The following PTPRD variants were observed in gnomAD, a reference collection of about 807,000 sequenced individuals.
PTPRD encodes the protein receptor-type tyrosine-protein phosphatase delta.
In PTPRD, 34 loss-of-function variants were observed where a neutral mutation model predicts 214.5. That is an observed-to-expected ratio of 0.16 (90% confidence interval 0.12 to 0.21). The LOEUF (loss-of-function observed/expected upper bound fraction) is 0.21, where lower values mean the gene tolerates loss of function less well. Among genes scored for constraint, PTPRD ranks in the 10% least tolerant of loss-of-function variants. The pLI, the probability that PTPRD is intolerant of heterozygous loss-of-function variation, is 1.00. For synonymous variants in PTPRD, 1,128 were observed against 845.7 expected (o/e 1.33, Z -5.79); for missense variants, 2,545 against 2,398.7 (o/e 1.06, Z -1.27).
At chr9:10,527,278 C>T (rs1392958736) in intron 2 of PTPRD, among the ~76,000 whole-genome samples, 1 of 152,118 alleles carries the variant, frequency 6.6e-6, no homozygotes, top group East Asian at 1.9e-4. Flanking sequence ...ATTCATGACT[C>T]AGTTTACCAC....
intron 14 of PTPRD, among the ~76,000 whole-genome samples, chr9:8,564,225 T>A (rs916415189): frequency 1.1e-4 from 16 of 152,178 alleles, no homozygotes; most frequent in South Asian, 4.1e-4. Flanking sequence ...TAAGCATGTT[T>A]AAAATTGGGT....
intron 4 of PTPRD, among the ~76,000 whole-genome samples, chr9:10,022,713 G>C (rs1023574769): frequency 6.6e-6 from 1 of 152,132 alleles, no homozygotes; most frequent in East Asian, 1.9e-4. Flanking sequence ...TAGCAGTTAA[G>C]ATTTACATTG....
At chr9:9,438,374 C>G (rs146901982) in intron 8 of PTPRD, among the ~76,000 whole-genome samples, 140 of 152,180 alleles carry the variant, frequency 9.2e-4, no homozygotes, top group African/African-American at 3.3e-3. Context: ...TTCTGTGGAA[C>G]TGAGAAATAA....
intron 11 of PTPRD, among the ~76,000 whole-genome samples, chr9:9,009,845 C>T (rs1179545461): frequency 6.6e-6 from 1 of 151,886 alleles, no homozygotes; most frequent in Non-Finnish European, 1.5e-5. Flanking sequence ...ATAATTTATA[C>T]TAATCTTCAT....
chr9:9,882,400 G>T (rs1224716113), intron 5 of PTPRD, among the ~76,000 whole-genome samples: 1 of 152,072 alleles, frequency 6.6e-6, no homozygotes, highest in Non-Finnish European at 1.5e-5. Flanking sequence ...TCAATATCAT[G>T]ATCCAAATGG....
In PTPRD at chr9:8,486,212, T is replaced by G; in HGVS notation, c.2605A>C (p.Thr869Pro). The G allele has an allele frequency of 5.6e-6, 9 of 1,614,210 alleles. No individual in the cohort carries two copies. Among genetic ancestry groups the G allele is most frequent in the Non-Finnish European group, 7.6e-6 (9 of 1,180,030 alleles). ...TCTTTTTCAGAGAACTCAAGAGTAGTAAGTGGCTCCATATCCTTGCGGCCA... is the reference window on the plus strand; with the variant it reads ...TCTTTTTCAGAGAACTCAAGAGTAGGAAGTGGCTCCATATCCTTGCGGCCA... ...KFGRKDMEPL[T>P]TLEFSEKEDH... The change falls in exon 28 of 46, where the codon ACT becomes CCT. Residue 869 changes from threonine to proline, a missense_variant. Physicochemically the swap from Thr to Pro is conservative, Grantham distance 38. Coordinates refer to ENST00000381196, the MANE Select transcript of PTPRD (RefSeq NM_002839.4).
intron 14 of PTPRD, among the ~76,000 whole-genome samples, chr9:8,533,006 G>A (rs2076097108): frequency 6.6e-6 from 1 of 152,038 alleles, no homozygotes; most frequent in Admixed American, 6.6e-5. Context: ...ATGAATCCAT[G>A]AGGAAAATAG....
chr9:9,447,330 A>T (rs777362746), intron 8 of PTPRD, among the ~76,000 whole-genome samples: 2 of 152,140 alleles, frequency 1.3e-5, no homozygotes, highest in Non-Finnish European at 2.9e-5. Context: ...GGAATATTAG[A>T]CAGCCATAAA....
intron 43 of PTPRD, among the ~76,000 whole-genome samples, chr9:8,336,901 C>A (rs1450921857): frequency 3.9e-5 from 6 of 152,182 alleles, no homozygotes; most frequent in African/African-American, 7.2e-5. Flanking sequence ...CAATGAGATA[C>A]CATCTTACAC....
At chr9:10,607,503 A>G (rs531414451) in intron 2 of PTPRD, among the ~76,000 whole-genome samples, 3 of 152,016 alleles carry the variant, frequency 2.0e-5, no homozygotes, top group East Asian at 3.9e-4. Flanking sequence ...ATAAAATGCA[A>G]TTGAAGTCTC....
intron 3 of PTPRD, among the ~76,000 whole-genome samples, chr9:10,071,590 T>C (rs1264654502): frequency 6.6e-6 from 1 of 152,024 alleles, no homozygotes; most frequent in East Asian, 1.9e-4. Flanking sequence ...AAACTAGACA[T>C]AGAGCTAATA....
chr9:8,897,425 T>G (rs2098628467), intron 11 of PTPRD, among the ~76,000 whole-genome samples: 1 of 152,184 alleles, frequency 6.6e-6, no homozygotes, highest in African/African-American at 2.4e-5. Flanking sequence ...TTCTGAGGGT[T>G]GATACACTAA....
chr9:10,031,647 T>TATATATATATATATATATATATACAC, intron 4 of PTPRD, among the ~76,000 whole-genome samples: 12 of 89,646 alleles, frequency 1.3e-4, no homozygotes, highest in African/African-American at 8.9e-4. Flanking sequence ...TATATATATA[T>TATATATATATATATATATATATACAC]ACACACACAC....
rs536477796 is a variant in PTPRD, at chr9:10,062,039, G to C, written c.-544-28249C>G. ...AGAATTCGAGAACCATTGATTGATT[G>C]ATACTGTTAAAAGATTGAATAAAAA... On this transcript the variant is annotated intron_variant, in intron 3 of 45. Coordinates refer to ENST00000381196, the MANE Select transcript of PTPRD (RefSeq NM_002839.4). 5.4e-5 allele frequency among the ~76,000 whole-genome samples: 8 copies of C among 147,664 alleles called. No individual in the cohort carries two copies. The East Asian group carries it at 1.6e-3, about 29-fold the overall frequency.
At chr9:9,850,384 T>G (rs533678545) in intron 5 of PTPRD, among the ~76,000 whole-genome samples, 1 of 152,242 alleles carries the variant, frequency 6.6e-6, no homozygotes, top group East Asian at 1.9e-4. Context: ...AGTATTGCTA[T>G]TGTCCTGGTT....
At chr9:10,406,590 C>T (rs950988091) in intron 2 of PTPRD, among the ~76,000 whole-genome samples, 8 of 151,558 alleles carry the variant, frequency 5.3e-5, no homozygotes, top group African/African-American at 1.9e-4. Flanking sequence ...AAAATATCTG[C>T]AACCAACATG....
intron 7 of PTPRD, among the ~76,000 whole-genome samples, chr9:9,691,222 A>G (rs192073807): frequency 2.0e-4 from 30 of 152,038 alleles, no homozygotes; most frequent in Admixed American, 1.3e-3. Flanking sequence ...TTTTGTGAAA[A>G]AATACCAGAT....
intron 3 of PTPRD, among the ~76,000 whole-genome samples, chr9:10,281,803 T>TA (rs2095128017): frequency 6.6e-6 from 1 of 152,196 alleles, no homozygotes; most frequent in African/African-American, 2.4e-5. Flanking sequence ...ACTACAATTT[T>TA]AAAAATGACT....
At chr9:8,378,963 A>C (rs1156794) in intron 37 of PTPRD, among the ~76,000 whole-genome samples, 2 of 151,806 alleles carry the variant, frequency 1.3e-5, no homozygotes, top group Non-Finnish European at 2.9e-5. Flanking sequence ...TCAAACTGCA[A>C]CTATTATTGG....
Sources: allele counts gnomAD v4.1 joint callset (sites outside exome capture counted in the v4.1 genomes callset), GRCh38; gene constraint gnomAD v4.1.1; transcripts MANE v1.5; gene names NCBI Gene and HGNC (gene_info 2026-07-23, HGNC 2026-07-21).